Variants in PTPN5 observed in about 807,000 individuals in gnomAD.
The protein encoded by PTPN5 is protein tyrosine phosphatase non-receptor type 5, also known as tyrosine-protein phosphatase non-receptor type 5.
In PTPN5, 29 loss-of-function variants were observed where a neutral mutation model predicts 73.9. The observed-to-expected ratio is 0.39, with a 90% confidence interval of 0.29 to 0.54. PTPN5 has a LOEUF of 0.54. PTPN5 is among the 20% of genes least tolerant of loss of function. The probability of loss-of-function intolerance (pLI) is 0.65; values close to 1 mark genes in which losing one functional copy is unlikely to be tolerated. For synonymous variants in PTPN5, 267 were observed against 304.7 expected (o/e 0.88, Z 1.29); for missense variants, 652 against 751.4 (o/e 0.87, Z 1.55).
At chr11:18,777,860 G>A (rs561408983) in intron 1 of PTPN5, among the ~76,000 whole-genome samples, 5 of 152,044 alleles carry the variant, frequency 3.3e-5, no homozygotes, top group African/African-American at 4.8e-5. Context: ...CAGGAGGATC[G>A]CTTGAGCCCA....
chr11:18,729,530 G>T lies in PTPN5; in HGVS notation c.1527C>A (p.Thr509=), dbSNP rs763596355. The change falls in exon 14 of 15, where the codon ACC becomes ACA. Residue 509 remains threonine, a synonymous_variant. Transcript: ENST00000358540. The surrounding 1 kb of genome is among the most constrained non-coding windows in gnomAD (Gnocchi z 5.2). ...GCCGCAGCTGCTGGCAGCAGATGCTGGTGGCAATGAAGCAGCCGGTCCTCC... is the reference window on the plus strand; with the variant it reads ...GCCGCAGCTGCTGGCAGCAGATGCTTGTGGCAATGAAGCAGCCGGTCCTCC... The part of the protein sequence containing the change: ...GIGRTGCFIA[T]SICCQQLRQE... The T allele has an allele frequency of 2.1e-5, 34 of 1,600,940 alleles. No individual in the cohort carries two copies. The South Asian group carries it at 3.7e-4, about 18-fold the overall frequency.
chr11:18,760,541 T>A (rs1476228703), intron 3 of PTPN5, among the ~76,000 whole-genome samples: 2 of 152,098 alleles, frequency 1.3e-5, no homozygotes, highest in Admixed American at 6.5e-5. Flanking sequence ...GAAGAGTAGG[T>A]CTCAGAATCA....
Position 18,733,443 on chromosome 11 carries a change from C to T in PTPN5, c.1081-71G>A. ...CCAGGACCCCATCCCCACACTCAGG[C>T]TCTTCACAGGAGCTGGCAGGAGCCA... On this transcript the variant is annotated intron_variant, in intron 10 of 14. Transcript: ENST00000358540. This position sits in a 1 kb window ranked among gnomAD's most constrained non-coding sequence, Gnocchi z 4.3. 1 of 1,609,786 alleles carries T rather than the reference C, an allele frequency of 6.2e-7. No homozygotes were observed.
chr11:18,732,440 C>A (rs1848922469), intron 12 of PTPN5, 152 bp downstream of exon 12: 2 of 662,866 alleles, frequency 3.0e-6, no homozygotes, highest in Non-Finnish European at 5.4e-6. Context: ...AGTCCATTCA[C>A]CTCTCACTCA....
intron 1 of PTPN5, among the ~76,000 whole-genome samples, chr11:18,775,784 AGG>A (rs1323974676): frequency 6.6e-6 from 1 of 152,172 alleles, no homozygotes; most frequent in Non-Finnish European, 1.5e-5. Context: ...ATGACCTCTA[AGG>A]GCCTTTCCTT....
At chr11:18,761,986 G>A (rs796405407) in intron 3 of PTPN5, among the ~76,000 whole-genome samples, 10 of 152,326 alleles carry the variant, frequency 6.6e-5, no homozygotes, top group African/African-American at 2.2e-4. Context: ...GGGAGCATGT[G>A]GCTATGACAA....
At chr11:18,771,802 T>G (rs552239903) in intron 2 of PTPN5, 137 bp downstream of exon 2, 1 of 731,464 alleles carries the variant, frequency 1.4e-6, no homozygotes. Context: ...GCAGAGGGCA[T>G]GCTGGTTTCA....
intron 3 of PTPN5, among the ~76,000 whole-genome samples, chr11:18,764,827 C>T (rs963273128): frequency 6.6e-6 from 1 of 152,228 alleles, no homozygotes; most frequent in African/African-American, 2.4e-5. Flanking sequence ...ATCCTCCTGC[C>T]TCAGCCTCCC....
chr11:18,759,248 T>C (rs537202879), intron 3 of PTPN5, among the ~76,000 whole-genome samples: 4 of 152,356 alleles, frequency 2.6e-5, no homozygotes, highest in African/African-American at 4.8e-5. Flanking sequence ...CTATCATTTA[T>C]AGAGCACTCT....
At chr11:18,776,657 A>T (rs1851172361) in intron 1 of PTPN5, among the ~76,000 whole-genome samples, 1 of 152,190 alleles carries the variant, frequency 6.6e-6, no homozygotes, top group African/African-American at 2.4e-5. Context: ...ACACTAAGTC[A>T]CCTGCTCAAG....
Position 18,742,503 on chromosome 11 carries a change from C to G in PTPN5, c.484G>C (p.Val162Leu), listed in dbSNP as rs1360986707. Residue 162 changes from valine to leucine, a missense_variant and splice_region_variant, in exon 7 of 15, where the codon GTG becomes CTG. By Grantham distance (32) the Val-to-Leu change is conservative. Coordinates refer to ENST00000358540, the MANE Select transcript of PTPN5 (RefSeq NM_006906.2). This position sits in a 1 kb window ranked among gnomAD's most constrained non-coding sequence, Gnocchi z 4.1. ...SVGLVLVTTL[V>L]WHLLRTPPEP... is the part of the protein sequence containing the mutation. ...GGGGGTGTCCTCAGGAGGTGCCACACCTGGTTGGGGTGTACAGCATCACAG... is the reference window on the plus strand; with the variant it reads ...GGGGGTGTCCTCAGGAGGTGCCACAGCTGGTTGGGGTGTACAGCATCACAG... The G allele has an allele frequency of 8.7e-6, 14 of 1,612,970 alleles. No homozygotes were observed. The highest frequency in any genetic ancestry group is 1.0e-5 in the Non-Finnish European group (12 of 1,179,966).
At chr11:18,746,080 C>G (rs1849605340) in intron 3 of PTPN5, among the ~76,000 whole-genome samples, 1 of 146,742 alleles carries the variant, frequency 6.8e-6, no homozygotes, top group Admixed American at 7.0e-5. Context: ...TGATGATGGG[C>G]AAAGGACACT....
At chr11:18,753,396 A>G (rs1225308841) in intron 3 of PTPN5, among the ~76,000 whole-genome samples, 1 of 152,220 alleles carries the variant, frequency 6.6e-6, no homozygotes, top group Non-Finnish European at 1.5e-5. Context: ...GGGTCCTTCT[A>G]TCTCTAAAGA....
In PTPN5 at chr11:18,733,097, G is replaced by T. The variant is rs531023342; in HGVS notation, c.1218+138C>A. On this transcript the variant is annotated intron_variant, in intron 11 of 14. Transcript: ENST00000358540. This position sits in a 1 kb window ranked among gnomAD's most constrained non-coding sequence, Gnocchi z 4.3. ...GGGGCAAATGACTTAACCTTACCGA[G>T]CCTCACATCTCCTCATCTTGGCAGC... The T allele has an allele frequency of 1.1e-5, 15 of 1,311,694 alleles. No individual in the cohort carries two copies. The highest frequency in any genetic ancestry group is 4.2e-5 in the Admixed American group (2 of 47,350). The allele number at this position is 1,311,694 out of a possible 1,614,324, so 81.3% of individuals were successfully genotyped here. A position where few individuals can be genotyped will look rare whatever the true frequency, so the allele number is the denominator to read the frequency against.
At position 18,744,155 on chromosome 11, in the gene PTPN5, C is replaced by T. The variant is rs1228820361; in HGVS notation, c.142G>A (p.Gly48Arg). 6.3e-7 allele frequency: 1 copy of T among 1,595,178 alleles called. No individual in the cohort carries two copies. Among genetic ancestry groups the T allele is most frequent in the Non-Finnish European group, 8.5e-7 (1 of 1,172,736 alleles). ...IVMEALDEAE[G>R]LQDSQREMPP... ...ATCTCTCTCTGTGAGTCCTGGAGCC[C>T]TTCAGCCTCGTCCAGTGCCTCCATC... The change falls in exon 4 of 15, where the codon GGG becomes AGG. Residue 48 changes from glycine (G) to arginine (R), a missense_variant. By Grantham distance (125) the Gly-to-Arg change is moderately radical. Coordinates refer to ENST00000358540, the MANE Select transcript of PTPN5 (RefSeq NM_006906.2).
At chr11:18,750,163 C>A (rs1849824443) in intron 3 of PTPN5, among the ~76,000 whole-genome samples, 1 of 152,190 alleles carries the variant, frequency 6.6e-6, no homozygotes, top group Admixed American at 6.5e-5. Flanking sequence ...TGAAGACTTA[C>A]CGTGTGCTGG....
intron 3 of PTPN5, chr11:18,749,517 C>T (rs1177927234): frequency 3.9e-6 from 2 of 518,766 alleles, no homozygotes; most frequent in Non-Finnish European, 7.7e-6. Flanking sequence ...CCTTAATCAG[C>T]TGCATGGGGG....
rs1348338236 is a variant in PTPN5 at position 18,733,835 on chromosome 11, AG to A, written c.1001-201del. Among the ~76,000 whole-genome samples, 2 of 152,236 alleles carry A rather than the reference AG, an allele frequency of 1.3e-5. No individual in the cohort carries two copies. Among genetic ancestry groups the A allele is most frequent in the South Asian group, 4.1e-4 (2 of 4,820 alleles). ...AGGATGAGGAGGAGGGTGGAGAGAG[AG>A]GGGGGTCCCCGGGTCTCTACCTCTG... is the stretch of plus-strand genomic sequence containing the variant. On this transcript the variant is annotated intron_variant, in intron 9 of 14. Transcript: ENST00000358540. The surrounding 1 kb of genome is among the most constrained non-coding windows in gnomAD (Gnocchi z 4.3).
intron 3 of PTPN5, among the ~76,000 whole-genome samples, chr11:18,762,857 C>A (rs1011809154): frequency 2.0e-5 from 3 of 152,190 alleles, no homozygotes; most frequent in African/African-American, 7.2e-5. Flanking sequence ...TGGGGCCAAG[C>A]TGAGGTCCAG....
Sources: gnomAD v4.1 joint callset for allele counts (sites outside exome capture counted in the v4.1 genomes callset) on GRCh38, gnomAD v4.1.1 for gene constraint, Gnocchi (gnomAD v3.1) non-coding constraint, MANE v1.5 for transcripts, NCBI Gene and HGNC (gene_info 2026-07-23, HGNC 2026-07-21) for gene names.